UBXN4: variants seen among roughly 807,000 people sequenced by gnomAD.
The protein encoded by UBXN4 is UBX domain protein 4, also known as UBX domain-containing protein 4.
A neutral mutation model predicts 66.2 loss-of-function variants in UBXN4; 35 were observed. The observed-to-expected ratio is 0.53, with a 90% CI of 0.40 to 0.70. The LOEUF is 0.70. UBXN4 is among the 30% of genes least tolerant of loss of function. The probability of loss-of-function intolerance (pLI) is 0.00; values close to 1 mark genes in which losing one functional copy is unlikely to be tolerated. For missense variants in UBXN4, 533 were observed against 599.8 expected (o/e 0.89, Z 1.16); for synonymous variants, 203 against 204.5 (o/e 0.99, Z 0.06).
chr2:135,765,520 T>C (rs1447449923), intron 6 of UBXN4, among the ~76,000 whole-genome samples: 1 of 152,240 alleles, frequency 6.6e-6, no homozygotes, highest in Non-Finnish European at 1.5e-5. Flanking sequence ...CATGTCATTA[T>C]GTTTAAAATG....
rs754966477 is a variant in UBXN4, at chr2:135,755,589, G to C, written c.406G>C (p.Ala136Pro). The C allele has an allele frequency of 1.9e-6, 3 of 1,610,152 alleles. No individual in the cohort carries two copies. Among genetic ancestry groups the C allele is most frequent in the Non-Finnish European group, 2.5e-6 (3 of 1,178,100 alleles). Residue 136 changes from alanine (A) to proline (P), a missense_variant, in exon 5 of 13, where the codon GCG (alanine) becomes CCG (proline). Around this residue, in one of 2 missense-constraint regions of UBXN4, gnomAD observed 529 missense variants for 580.1 expected, o/e 0.91. Transcript: ENST00000272638. Reference sequence around the variant, plus strand: ...AGAAAGTTCAGTGTCTACTCCATCTGCGTCATTTGAACCTAACAACACTTG... The same window carrying C: ...AGAAAGTTCAGTGTCTACTCCATCTCCGTCATTTGAACCTAACAACACTTG... Reference protein sequence around the residue: ...QSESSVSTPSASFEPNNTCEN... With the variant: ...QSESSVSTPSPSFEPNNTCEN...
chr2:135,741,926 A>G lies in UBXN4; in HGVS notation c.-4A>G, dbSNP rs757989256. On this transcript the variant is annotated 5_prime_UTR_variant, in exon 1 of 13. Coordinates refer to ENST00000272638, the MANE Select transcript of UBXN4 (RefSeq NM_014607.4). ...CGAGCGAGCGCCTGGGCCCGAAGGG[A>G]GCGATGCTGTGGTTCCAGGGCGCCA... 6.2e-7 allele frequency: 1 copy of G among 1,611,420 alleles called. No homozygotes were observed. Among genetic ancestry groups the G allele is most frequent in the Non-Finnish European group, 8.5e-7 (1 of 1,179,004 alleles).
rs182256488 is a variant in UBXN4 at position 135,772,283 on chromosome 2, A to G, written c.823-137A>G. On this transcript the variant is annotated intron_variant, in intron 8 of 12. Coordinates refer to ENST00000272638, the MANE Select transcript of UBXN4 (RefSeq NM_014607.4). ...GGCTGCAGTGAGCTATGATTGTGCCACTGCACTCCAGCCTTGATGACACAG... is the reference window on the plus strand; with the variant it reads ...GGCTGCAGTGAGCTATGATTGTGCCGCTGCACTCCAGCCTTGATGACACAG... 309 of 975,326 alleles carry G rather than the reference A, an allele frequency of 3.2e-4. No homozygotes were observed. In the East Asian group the frequency reaches 6.8e-3, roughly 21 times the overall value. The allele number at this position is 975,326 out of a possible 1,614,324, so 60.4% of individuals were successfully genotyped here.
chr2:135,780,281 A>G lies in UBXN4; in HGVS notation c.1284A>G (p.Leu428=), dbSNP rs377689794. ...VLYPFLAIWR[L]ISNFLFSNPP... is the part of the protein sequence containing the mutation. ...ATCCATTCCTTGCCATCTGGAGATT[A>G]ATTAGCAATTTCTTGTTTAGTAATC... The change falls in exon 12 of 13, where the codon TTA becomes TTG. Residue 428 remains leucine, a synonymous_variant. Coordinates refer to ENST00000272638, the MANE Select transcript of UBXN4 (RefSeq NM_014607.4). 1.9e-6 allele frequency: 3 copies of G among 1,614,162 alleles called. No homozygotes were observed. In the Admixed American group the frequency reaches 5.0e-5, roughly 27 times the overall value.
intron 2 of UBXN4, among the ~76,000 whole-genome samples, chr2:135,748,662 C>CTG (rs2077223916): frequency 6.6e-6 from 1 of 150,384 alleles, no homozygotes; most frequent in Non-Finnish European, 1.5e-5. Context: ...AAGACTGGGG[C>CTG]TACAGTGAGC....
At chr2:135,755,766 T>TA in intron 5 of UBXN4, 75 bp downstream of exon 5, 1 of 924,672 alleles carries the variant, frequency 1.1e-6, no homozygotes, top group Non-Finnish European at 1.4e-6. Context: ...ATTAATATTT[T>TA]AAAAATATAT....
At position 135,783,898 on chromosome 2, in the gene UBXN4, AATG is replaced by A. The variant is rs2077468484; in HGVS notation, c.*1015_*1017del. ...CTTTGTTAGTGGAGACCGCTAAACT[AATG>A]ATGTTTGAAAACAGTTCCTCTGTTT... is the stretch of plus-strand genomic sequence containing the variant. On this transcript the variant is annotated 3_prime_UTR_variant, in exon 13 of 13. Coordinates refer to ENST00000272638, the MANE Select transcript of UBXN4 (RefSeq NM_014607.4). 6.6e-6 allele frequency: 1 copy of A among 152,202 alleles called. No individual in the cohort carries two copies. Among genetic ancestry groups the A allele is most frequent in the Non-Finnish European group, 1.5e-5 (1 of 68,028 alleles). The allele number at this position is 152,202 out of a possible 1,614,324, so 9.4% of individuals were successfully genotyped here.
At chr2:135,753,777 C>T (rs2077261921) in intron 3 of UBXN4, 1 of 485,146 alleles carries the variant, frequency 2.1e-6, no homozygotes, top group African/African-American at 2.0e-5. Flanking sequence ...TGTAGTGCAC[C>T]CCATACATTG....
At chr2:135,772,286 G>C (rs1248032741) in intron 8 of UBXN4, 134 bp from the exon 9 acceptor site, 2 of 1,019,408 alleles carry the variant, frequency 2.0e-6, no homozygotes, top group African/African-American at 3.3e-5. Context: ...TTGTGCCACT[G>C]CACTCCAGCC....
chr2:135,780,794 T>A (rs2077444780), intron 12 of UBXN4, among the ~76,000 whole-genome samples: 1 of 152,252 alleles, frequency 6.6e-6, no homozygotes, highest in Non-Finnish European at 1.5e-5. Flanking sequence ...TCTGTTTTGA[T>A]CATTTTAACC....
intron 9 of UBXN4, among the ~76,000 whole-genome samples, chr2:135,773,484 C>G (rs1269600859): frequency 6.6e-6 from 1 of 152,126 alleles, no homozygotes; most frequent in Non-Finnish European, 1.5e-5. Context: ...GATCATGTGG[C>G]CACCTTCAGA....
At chr2:135,780,490 G>A in intron 12 of UBXN4, 105 bp downstream of exon 12, 1 of 1,008,052 alleles carries the variant, frequency 9.9e-7, no homozygotes, top group Non-Finnish European at 1.5e-6. Context: ...GTCCTCTCCA[G>A]TTCCCACGGT....
chr2:135,759,799 C>T lies in UBXN4; in HGVS notation c.509-2019C>T, dbSNP rs186775077. 0.011 allele frequency among the ~76,000 whole-genome samples: 1,234 copies of T among 113,546 alleles called. 73 individuals are homozygous for T. The East Asian group carries it at 0.17, about 16-fold the overall frequency. 74.5% of individuals were successfully genotyped at this position (113,546 alleles called of 152,430 possible). ...TTTTTTTTTTTTTTTGAGACAGTCT[C>T]GCTCTGTCTCCCAGGCTGGAGTGCA... On this transcript the variant is annotated intron_variant, in intron 5 of 12. Coordinates refer to ENST00000272638, the MANE Select transcript of UBXN4 (RefSeq NM_014607.4).
chr2:135,759,834 T>C (rs2077304655), intron 5 of UBXN4, among the ~76,000 whole-genome samples: 1 of 145,656 alleles, frequency 6.9e-6, no homozygotes, highest in Non-Finnish European at 1.5e-5. Flanking sequence ...AGTGGCGCTA[T>C]CTTGGCTCAC....
intron 2 of UBXN4, among the ~76,000 whole-genome samples, chr2:135,748,866 C>T (rs1450119177): frequency 2.7e-5 from 4 of 150,662 alleles, no homozygotes; most frequent in South Asian, 4.2e-4. Context: ...CTTGTCTCTA[C>T]TAAAAAAAAA....
intron 3 of UBXN4, 132 bp downstream of exon 3, chr2:135,753,699 T>C: frequency 1.3e-6 from 1 of 785,222 alleles, no homozygotes; most frequent in African/African-American, 1.8e-5. Context: ...ACTTTATTAC[T>C]AAGTGTCCTC....
chr2:135,773,037 CAAAAAAAAAAA>C (rs78669415), intron 9 of UBXN4, among the ~76,000 whole-genome samples: 4 of 80,014 alleles, frequency 5.0e-5, no homozygotes, highest in Admixed American at 3.0e-4. Flanking sequence ...ACTCCGTCCC[CAAAAAAAAAAA>C]AAAAAAAAAA....
intron 1 of UBXN4, among the ~76,000 whole-genome samples, chr2:135,746,892 T>A (rs2077210338): frequency 6.6e-6 from 1 of 151,734 alleles, no homozygotes. Flanking sequence ...CTTTTTTTTT[T>A]TAGAGAAAGT....
intron 9 of UBXN4, among the ~76,000 whole-genome samples, chr2:135,773,225 G>A (rs1575322756): frequency 6.6e-6 from 1 of 152,128 alleles, no homozygotes; most frequent in East Asian, 1.9e-4. Flanking sequence ...AAATCCAAGG[G>A]TGAATTTGGT....
Sources: gnomAD v4.1 joint callset for allele counts (sites outside exome capture counted in the v4.1 genomes callset) on GRCh38, gnomAD v4.1.1 for gene constraint, gnomAD v4.1.1 regional missense constraint, MANE v1.5 for transcripts, NCBI Gene and HGNC (gene_info 2026-07-23, HGNC 2026-07-21) for gene names.